STIM1: variants seen among roughly 807,000 people sequenced by gnomAD.
STIM1 encodes stromal interaction molecule 1.
A neutral mutation model predicts 74.7 loss-of-function variants in STIM1; 25 were observed. The observed-to-expected ratio is 0.33, with a 90% CI of 0.24 to 0.47. The LOEUF (loss-of-function observed/expected upper bound fraction) is 0.47, where lower values mean the gene tolerates loss of function less well. Among genes scored for constraint, STIM1 ranks in the 20% least tolerant of loss-of-function variants. STIM1 has a pLI of 1.00. For missense variants in STIM1, 728 were observed against 920.8 expected (o/e 0.79, Z 2.71); for synonymous variants, 328 against 348.8 (o/e 0.94, Z 0.66).
intron 1 of STIM1, among the ~76,000 whole-genome samples, chr11:3,876,845 A>G (rs1399021857): frequency 6.6e-6 from 1 of 152,180 alleles, no homozygotes; most frequent in Non-Finnish European, 1.5e-5. Flanking sequence ...TGTCTGTCTC[A>G]TGCACTGTTA....
intron 3 of STIM1, among the ~76,000 whole-genome samples, chr11:4,047,469 A>G (rs1442158006): frequency 6.6e-6 from 1 of 152,038 alleles, no homozygotes; most frequent in East Asian, 1.9e-4. Flanking sequence ...TACAGAAATT[A>G]ACTGGGTGTG....
At chr11:4,089,215 C>A in intron 12 of STIM1, 1 of 164,732 alleles carries the variant, frequency 6.1e-6, no homozygotes, top group Non-Finnish European at 1.3e-5. Context: ...AGAGCAAGAC[C>A]CTGTCAATAA....
At position 4,026,115 on chromosome 11, in the gene STIM1, G is replaced by A. The variant is rs1050816295; in HGVS notation, c.385+2128G>A. Among the ~76,000 whole-genome samples the A allele has an allele frequency of 1.5e-4, 23 of 152,254 alleles. No homozygotes were observed. In the South Asian group the frequency reaches 3.3e-3, roughly 22 times the overall value. The stretch of plus-strand genomic sequence containing the variant: ...AAAAAGCATTTAATATTCTGGCACC[G>A]GCTCAAACTAGCTGTTCTGAGTTTA... On this transcript the variant is annotated intron_variant, in intron 3 of 12. Transcript: ENST00000526596.
At chr11:3,895,783 C>T (rs56192402) in intron 1 of STIM1, among the ~76,000 whole-genome samples, 4 of 88,740 alleles carry the variant, frequency 4.5e-5, no homozygotes, top group Non-Finnish European at 8.1e-5. Context: ...TTCCTTCCTT[C>T]CTTCCTTCCT....
At chr11:3,946,904 A>G (rs996257073) in intron 1 of STIM1, among the ~76,000 whole-genome samples, 1 of 152,144 alleles carries the variant, frequency 6.6e-6, no homozygotes, top group African/African-American at 2.4e-5. Flanking sequence ...TCTGTGTCTC[A>G]GGCTGTCATC....
At chr11:3,968,090 G>A (rs1208308911) in intron 2 of STIM1, among the ~76,000 whole-genome samples, 1 of 152,212 alleles carries the variant, frequency 6.6e-6, no homozygotes, top group African/African-American at 2.4e-5. Flanking sequence ...CCCAGATCCT[G>A]CCCTCTGGGA....
chr11:3,895,990 C>T (rs772487726), intron 1 of STIM1, among the ~76,000 whole-genome samples: 6 of 150,446 alleles, frequency 4.0e-5, no homozygotes, highest in Non-Finnish European at 7.4e-5. Flanking sequence ...CTGCAAGCTC[C>T]GCCTCCCGGG....
rs2094475261 is a variant in STIM1 at position 4,083,372 on chromosome 11, C to T, written c.1348C>T (p.Leu450=). The T allele has an allele frequency of 7.4e-6, 12 of 1,614,254 alleles. No homozygotes were observed. Among genetic ancestry groups the T allele is most frequent in the Non-Finnish European group, 1.0e-5 (12 of 1,180,028 alleles). Residue 450 remains leucine, a synonymous_variant, in exon 10 of 13, where the codon CTG becomes TTG. Transcript: ENST00000526596. ...TGTCAACAACCCTGGCATCCACTCA[C>T]TGGTGGCTGCCCTCAACATAGACCC... ...QIVNNPGIHS[L]VAALNIDPSW... is the part of the protein sequence containing the mutation.
chr11:4,014,938 G>A (rs773160208), intron 2 of STIM1, among the ~76,000 whole-genome samples: 234 of 152,264 alleles, frequency 1.5e-3, no homozygotes, highest in Non-Finnish European at 2.7e-3. Context: ...TTGAGCCTAT[G>A]TGTGTCTTTA....
intron 2 of STIM1, among the ~76,000 whole-genome samples, chr11:3,978,906 G>A (rs16929538): frequency 0.054 from 8,254 of 152,132 alleles, 372 homozygotes; most frequent in East Asian, 0.18. Context: ...TTTGGCTTCA[G>A]CGCTCCCACC....
intron 5 of STIM1, among the ~76,000 whole-genome samples, chr11:4,067,044 C>T (rs1590686691): frequency 6.6e-6 from 1 of 152,198 alleles, no homozygotes; most frequent in South Asian, 2.1e-4. Context: ...TCAAACTCCA[C>T]ATCTATATTC....
intron 3 of STIM1, among the ~76,000 whole-genome samples, chr11:4,035,800 G>C (rs866765008): frequency 4.8e-5 from 7 of 147,172 alleles, no homozygotes; most frequent in Non-Finnish European, 7.5e-5. Context: ...TATGTGTTCT[G>C]TTGGGTGGAG....
intron 1 of STIM1, among the ~76,000 whole-genome samples, chr11:3,938,809 T>C (rs2092968867): frequency 6.6e-6 from 1 of 152,184 alleles, no homozygotes; most frequent in African/African-American, 2.4e-5. Context: ...GTAGCACCAC[T>C]GCGCTCCAGC....
chr11:4,091,640 C>G lies in STIM1; in HGVS notation c.1993C>G (p.Arg665Gly). 6.2e-7 allele frequency: 1 copy of G among 1,614,186 alleles called. No homozygotes were observed. Among genetic ancestry groups the G allele is most frequent in the Non-Finnish European group, 8.5e-7 (1 of 1,180,032 alleles). Residue 665 changes from arginine (R) to glycine (G), a missense_variant, in exon 13 of 13, where the codon CGA becomes GGA. By Grantham distance (125) the Arg-to-Gly change is moderately radical (BLOSUM62 -2). Around this residue, in one of 5 missense-constraint regions of STIM1, gnomAD observed 352 missense variants for 370.1 expected, o/e 0.95. Coordinates refer to ENST00000526596, the MANE Select transcript of STIM1 (RefSeq NM_001382567.1). ...PDTPSPVGDS[R>G]ALQASRNTRI... ...CACACCATCTCCAGTTGGGGACAGC[C>G]GAGCCCTGCAAGCCAGCCGAAACAC...
chr11:3,895,690 CTTTCTTTCTTTCTTTCTTTCT>C (rs2092087577), intron 1 of STIM1, among the ~76,000 whole-genome samples: 1 of 29,884 alleles, frequency 3.3e-5, no homozygotes, highest in African/African-American at 2.0e-4. Flanking sequence ...TTCCTTCTTT[CTTTCTTTCTTTCTTTCTTTCT>C]TTCTTTCTTT....
intron 3 of STIM1, among the ~76,000 whole-genome samples, chr11:4,028,351 G>C (rs2094015989): frequency 6.6e-6 from 1 of 151,928 alleles, no homozygotes. Context: ...TAAAATGCTG[G>C]GATTACAGGC....
At chr11:3,890,492 G>C (rs1394460399) in intron 1 of STIM1, among the ~76,000 whole-genome samples, 1 of 152,164 alleles carries the variant, frequency 6.6e-6, no homozygotes, top group Non-Finnish European at 1.5e-5. Flanking sequence ...CCAGTCCCTT[G>C]GACTGAACCA....
chr11:3,925,865 A>G (rs999308760), intron 1 of STIM1, among the ~76,000 whole-genome samples: 2 of 152,182 alleles, frequency 1.3e-5, no homozygotes, highest in African/African-American at 4.8e-5. Flanking sequence ...CTGACATCTG[A>G]TTTAATATAT....
rs1488854932 is a variant in STIM1 at position 4,083,377 on chromosome 11, G to T, written c.1353G>T (p.Val451=). Residue 451 remains valine (V), a synonymous_variant, in exon 10 of 13, where the codon GTG becomes GTT. Transcript: ENST00000526596. ...IVNNPGIHSL[V]AALNIDPSWM... ...ACAACCCTGGCATCCACTCACTGGT[G>T]GCTGCCCTCAACATAGACCCCAGCT... is the stretch of plus-strand genomic sequence containing the variant. The T allele has an allele frequency of 6.2e-7, 1 of 1,614,132 alleles. No homozygotes were observed. The highest frequency in any genetic ancestry group is 8.5e-7 in the Non-Finnish European group (1 of 1,180,058).
Sources: gnomAD v4.1 joint callset for allele counts (sites outside exome capture counted in the v4.1 genomes callset) on GRCh38, gnomAD v4.1.1 for gene constraint, gnomAD v4.1.1 regional missense constraint, MANE v1.5 for transcripts, NCBI Gene and HGNC (gene_info 2026-07-23, HGNC 2026-07-21) for gene names.